Variants in MORC3 observed in about 807,000 individuals in gnomAD.
MORC3 encodes the protein MORC family CW-type zinc finger 3, also known as MORC family CW-type zinc finger protein 3.
In MORC3, 31 loss-of-function variants were observed where a neutral mutation model predicts 109.1. The ratio of observed to expected loss-of-function variants is 0.28; its 90% CI spans 0.21 to 0.38. MORC3 has a LOEUF of 0.38. Ranked by LOEUF, MORC3 falls within the 10% of genes least tolerant of loss-of-function variation. MORC3 has a pLI of 1.00. For missense variants in MORC3, 867 were observed against 1,135.8 expected, an observed-to-expected ratio of 0.76 and a Z score of 3.40; for synonymous variants, 395 against 380.7, an observed-to-expected ratio of 1.04 and a Z score of -0.44.
intron 13 of MORC3, among the ~76,000 whole-genome samples, chr21:36,363,644 C>CG (rs2085745186): frequency 6.6e-6 from 1 of 152,120 alleles, no homozygotes; most frequent in Non-Finnish European, 1.5e-5. Context: ...CTTGAGTACT[C>CG]GAAGTACAGT....
intron 1 of MORC3, among the ~76,000 whole-genome samples, chr21:36,322,441 G>C (rs545819957): frequency 6.6e-6 from 1 of 152,094 alleles, no homozygotes; most frequent in East Asian, 1.9e-4. Flanking sequence ...GCACGATCTC[G>C]GCTCACTGCA....
At chr21:36,350,967 C>T (rs1206373701) in intron 9 of MORC3, among the ~76,000 whole-genome samples, 2 of 150,654 alleles carry the variant, frequency 1.3e-5, no homozygotes, top group African/African-American at 4.9e-5. Context: ...AAGCAGTTGC[C>T]TTATTTTGTG....
intron 1 of MORC3, among the ~76,000 whole-genome samples, chr21:36,330,864 A>G (rs999926099): frequency 1.3e-5 from 2 of 152,234 alleles, no homozygotes; most frequent in African/African-American, 2.4e-5. Context: ...ATTTAGTTTC[A>G]TTAAGAACTG....
At chr21:36,363,311 G>T (rs186181559) in intron 13 of MORC3, among the ~76,000 whole-genome samples, 4 of 152,244 alleles carry the variant, frequency 2.6e-5, no homozygotes, top group Admixed American at 2.6e-4. Flanking sequence ...CTACTCAGGA[G>T]GCTGAGGCAC....
In MORC3 at chr21:36,333,687, C is replaced by T; in HGVS notation, c.81C>T (p.Thr27=). 1.9e-6 allele frequency: 3 copies of T among 1,613,282 alleles called. No homozygotes were observed. The highest frequency in any genetic ancestry group is 2.5e-6 in the Non-Finnish European group (3 of 1,179,554). The change falls in exon 2 of 17, where the codon ACC becomes ACT. Residue 27 remains threonine, a synonymous_variant. Coordinates refer to ENST00000400485, the MANE Select transcript of MORC3 (RefSeq NM_015358.3). ...TACATACAAATTCTACTAGTCACAC[C>T]TGGCCATTCAGTGCAGTTGCTGAAT... The part of the protein sequence containing the change: ...KFLHTNSTSH[T]WPFSAVAELI...
At chr21:36,370,633 ATATATATTTTTTTTTTTTTTT>A (rs1289152566) in intron 15 of MORC3, among the ~76,000 whole-genome samples, 6 of 46,474 alleles carry the variant, frequency 1.3e-4, no homozygotes, top group Admixed American at 3.5e-4. Context: ...ATATATATAT[ATATATATTTTTTTTTTTTTTT>A]TTTTTTTTTT....
intron 8 of MORC3, among the ~76,000 whole-genome samples, chr21:36,346,797 A>G (rs1045622664): frequency 6.6e-6 from 1 of 151,856 alleles, no homozygotes; most frequent in Non-Finnish European, 1.5e-5. Context: ...CAACAGGGTG[A>G]GGTCCTATCT....
chr21:36,356,341 T>C (rs932489893), intron 9 of MORC3, among the ~76,000 whole-genome samples: 1 of 152,176 alleles, frequency 6.6e-6, no homozygotes, highest in African/African-American at 2.4e-5. Context: ...ATCTAACTTA[T>C]TCTTAATTTT....
chr21:36,351,219 C>T (rs1400846581), intron 9 of MORC3, among the ~76,000 whole-genome samples: 1 of 151,892 alleles, frequency 6.6e-6, no homozygotes, highest in African/African-American at 2.4e-5. Flanking sequence ...AGGCATGCAC[C>T]ACCATGCCCA....
At chr21:36,364,780 G>A (rs904872910) in intron 14 of MORC3, among the ~76,000 whole-genome samples, 5 of 151,642 alleles carry the variant, frequency 3.3e-5, no homozygotes, top group African/African-American at 1.2e-4. Flanking sequence ...GCCCGGGCGC[G>A]GTGGTTCACG....
chr21:36,338,712 A>C, intron 4 of MORC3, 62 bp from the exon 5 acceptor site: 1 of 1,421,414 alleles, frequency 7.0e-7, no homozygotes, highest in Admixed American at 2.1e-5. Flanking sequence ...TTATAGAGTT[A>C]GTTTTCATAT....
At position 36,368,969 on chromosome 21, in the gene MORC3, T is replaced by C; in HGVS notation, c.1620-19T>C. ...CCATATTTTATAATCTTATGTTTTA[T>C]GTATAAAATTTTTTTCAGCTTGAAA... On this transcript the variant is annotated intron_variant, in intron 14 of 16. Transcript: ENST00000400485. The C allele has an allele frequency of 6.4e-7, 1 of 1,556,264 alleles. No homozygotes were observed. Among genetic ancestry groups the C allele is most frequent in the South Asian group, 1.2e-5 (1 of 84,236 alleles).
chr21:36,347,016 A>AAC (rs1411408862), intron 8 of MORC3, among the ~76,000 whole-genome samples: 1 of 150,746 alleles, frequency 6.6e-6, no homozygotes, highest in Non-Finnish European at 1.5e-5. Context: ...TTAAAAAAAA[A>AAC]AAAAAAAAAA....
chr21:36,337,646 T>C (rs1222296021), intron 3 of MORC3, 86 bp from the exon 4 acceptor site: 1 of 953,412 alleles, frequency 1.0e-6, no homozygotes, highest in Non-Finnish European at 1.5e-6. Flanking sequence ...AATTAATGAA[T>C]TAAAAAAAAA....
At position 36,369,775 on chromosome 21, in the gene MORC3, A is replaced by C. The variant is rs966766234; in HGVS notation, c.2407A>C (p.Asn803His). Residue 803 changes from asparagine (N) to histidine (H), a missense_variant, in exon 15 of 17, where the codon AAT (asparagine) becomes CAT (histidine). Asn to His is a moderately conservative substitution (Grantham distance 68, BLOSUM62 1). This residue lies in a region of MORC3 where 486 missense variants were observed against 502.1 expected (regional missense o/e 0.97). Transcript: ENST00000400485. Reference protein sequence around the residue: ...VKAECSQCSNNESKSEMDEMA... With the variant: ...VKAECSQCSNHESKSEMDEMA... ...GGCTGAATGCAGCCAGTGTTCCAAT[A>C]ATGAGAGTAAAAGTGAAATGGATGA... 9.9e-6 allele frequency: 16 copies of C among 1,614,088 alleles called. No individual in the cohort carries two copies. The African/African-American group carries it at 2.0e-4, about 20-fold the overall frequency.
chr21:36,341,371 T>C, intron 5 of MORC3, 28 bp from the exon 6 acceptor site: 1 of 1,586,068 alleles, frequency 6.3e-7, no homozygotes, highest in South Asian at 1.1e-5. Flanking sequence ...AGTTAAATTT[T>C]GGTTCTTTCT....
chr21:36,338,132 A>G (rs980392098), intron 4 of MORC3, among the ~76,000 whole-genome samples, 186 bp downstream of exon 4: 1 of 152,114 alleles, frequency 6.6e-6, no homozygotes, highest in East Asian at 1.9e-4. Context: ...CTCTGTTGGA[A>G]TCCTGCTATG....
At chr21:36,346,281 C>T (rs1395785816) in intron 8 of MORC3, among the ~76,000 whole-genome samples, 1 of 152,172 alleles carries the variant, frequency 6.6e-6, no homozygotes, top group African/African-American at 2.4e-5. Context: ...GGCTTCTCAG[C>T]GTGCTCAGAT....
rs1254715800 is a variant in MORC3, at chr21:36,364,132, A to C, written c.1492A>C (p.Thr498Pro). The C allele has an allele frequency of 2.5e-6, 4 of 1,614,020 alleles. No individual in the cohort carries two copies. Among genetic ancestry groups the C allele is most frequent in the Admixed American group, 1.7e-5 (1 of 59,978 alleles). The part of the protein sequence containing the change: ...ELLFRPTALS[T>P]PSFSSPKESV... ...GTTGTTTCGGCCAACTGCTCTTTCAACTCCAAGCTTTTCTTCTCCTAAGGA... is the reference window on the plus strand; with the variant it reads ...GTTGTTTCGGCCAACTGCTCTTTCACCTCCAAGCTTTTCTTCTCCTAAGGA... Residue 498 changes from threonine (T) to proline (P), a missense_variant, in exon 14 of 17, where the codon ACT (threonine) becomes CCT (proline). Transcript: ENST00000400485.
Sources: allele counts gnomAD v4.1 joint callset (sites outside exome capture counted in the v4.1 genomes callset), GRCh38; gene constraint gnomAD v4.1.1; regional missense constraint gnomAD v4.1.1; transcripts MANE v1.5; gene names NCBI Gene and HGNC (gene_info 2026-07-23, HGNC 2026-07-21).